Variants in ARL10 observed in about 807,000 individuals in gnomAD.
ARL10 encodes the protein ADP-ribosylation factor-like protein 10.
Under a neutral mutation model 26.1 loss-of-function variants are expected in ARL10, and 23 were observed. That is an observed-to-expected ratio of 0.88 (90% confidence interval 0.63 to 1.25). ARL10 has a LOEUF of 1.25. ARL10 is among the 50% of genes most tolerant of loss of function. ARL10 has a pLI of 0.00. For missense variants in ARL10, 300 were observed against 323.6 expected, an observed-to-expected ratio of 0.93 and a Z score of 0.56; for synonymous variants, 138 against 149.1, an observed-to-expected ratio of 0.93 and a Z score of 0.54.
At chr5:176,403,461 T>C (rs1756940770), downstream of ARL10, among the ~76,000 whole-genome samples, 2 of 151,092 alleles carry the variant, frequency 1.3e-5, no homozygotes, top group Admixed American at 6.6e-5. Flanking sequence ...TGTTTTGTTT[T>C]TTTTCTTTTT....
downstream of ARL10, chr5:176,389,517 A>G (rs1205010928): frequency 6.3e-7 from 1 of 1,598,144 alleles, no homozygotes; most frequent in South Asian, 1.1e-5. Context: ...CTGGCCTTGA[A>G]AGCTCCGCAG....
intron 1 of ARL10, among the ~76,000 whole-genome samples, chr5:176,394,469 C>T (rs951061574): frequency 6.6e-6 from 1 of 151,908 alleles, no homozygotes; most frequent in Non-Finnish European, 1.5e-5. Flanking sequence ...GTCAGGAGTT[C>T]GAGACCTGCC....
chr5:176,389,161 C>T (rs1756151548), downstream of ARL10, among the ~76,000 whole-genome samples: 1 of 152,008 alleles, frequency 6.6e-6, no homozygotes, highest in Non-Finnish European at 1.5e-5. Context: ...GGATTTGGGG[C>T]CTAAGATTGG....
chr5:176,401,754 AACAGCGACAC>A (rs2113649393), exon 2 of ARL10: 1 of 456,264 alleles, frequency 2.2e-6, no homozygotes, highest in East Asian at 6.9e-5. Flanking sequence ...TTAAAATGAA[AACAGCGACAC>A]TGAACAATTT....
chr5:176,366,732 C>T, intron 2 of ARL10, 151 bp downstream of exon 2: 1 of 996,264 alleles, frequency 1.0e-6, no homozygotes, highest in Non-Finnish European at 1.5e-6. Flanking sequence ...AGGATTCAGC[C>T]CACGCTCTGT....
the ARL10 span, chr5:176,410,453 CTT>C: frequency 1.6e-6 from 1 of 621,404 alleles, no homozygotes; most frequent in African/African-American, 1.8e-5. Flanking sequence ...ATATATATAA[CTT>C]AGGCTCAATC....
rs201734394 is a variant in ARL10 at position 176,368,771 on chromosome 5, C to G, written c.386-36C>G. On this transcript the variant is annotated intron_variant, in intron 2 of 3. Coordinates refer to ENST00000310389, the MANE Select transcript of ARL10 (RefSeq NM_173664.6). The surrounding 1 kb of genome is among the most constrained non-coding windows in gnomAD (Gnocchi z 4.1). ...GGGCTGTGGGCAGTGAGCGGGGGCC[C>G]GGGAGGCTCTGAGCTGGCCCCTGGC... The G allele has an allele frequency of 4.8e-5, 76 of 1,570,224 alleles. No homozygotes were observed. The African/African-American group carries it at 9.5e-4, about 20-fold the overall frequency.
At chr5:176,398,029 C>T in intron 1 of ARL10, 1 of 1,613,994 alleles carries the variant, frequency 6.2e-7, no homozygotes, top group Non-Finnish European at 8.5e-7. Context: ...GCGTAGCCAT[C>T]AGCAGGACCG....
intron 2 of ARL10, among the ~76,000 whole-genome samples, chr5:176,367,134 A>T (rs1388489763): frequency 1.3e-5 from 2 of 149,718 alleles, no homozygotes; most frequent in African/African-American, 4.9e-5. Context: ...CAGCCTCCTG[A>T]GCAGCTGGGA....
Position 176,380,108 on chromosome 5 carries a change from T to C in ARL10, c.*8213T>C, listed in dbSNP as rs1755515307. Reference sequence around the variant, plus strand: ...TAAGGCATTTGTCCAACTTCCCCTTTTTCATTAGCCTCAAGGAGAAAAGGT... The same window carrying C: ...TAAGGCATTTGTCCAACTTCCCCTTCTTCATTAGCCTCAAGGAGAAAAGGT... On this transcript the variant is annotated 3_prime_UTR_variant, in exon 4 of 4. Transcript: ENST00000310389. The C allele has an allele frequency of 6.6e-6, 1 of 152,222 alleles. No homozygotes were observed. The highest frequency in any genetic ancestry group is 1.5e-5 in the Non-Finnish European group (1 of 68,050). The allele number at this position is 152,222 out of a possible 1,614,324, so 9.4% of individuals were successfully genotyped here.
chr5:176,388,317 T>G, exon 2 of ARL10: 1 of 1,614,174 alleles, frequency 6.2e-7, no homozygotes. Flanking sequence ...CGATTTAGCG[T>G]GGTCCCAGGC....
At position 176,388,553 on chromosome 5, in the gene ARL10, G is replaced by A. The variant is rs766681494; in HGVS notation, c.*55G>A. 5.0e-6 allele frequency: 8 copies of A among 1,599,334 alleles called. 1 individual carries two copies. The South Asian group carries it at 8.8e-5, about 18-fold the overall frequency. On this transcript the variant is annotated 3_prime_UTR_variant, in exon 2 of 2. Coordinates refer to the ARL10 transcript ENST00000503175. Reference sequence around the variant, plus strand: ...GGCCTTGGGCATCGCGCTGACCACCGCACCAGCAGCTCAAACACGCTGCCT... The same window carrying A: ...GGCCTTGGGCATCGCGCTGACCACCACACCAGCAGCTCAAACACGCTGCCT...
the ARL10 span, among the ~76,000 whole-genome samples, chr5:176,412,514 A>G: frequency 6.6e-6 from 1 of 152,206 alleles, no homozygotes; most frequent in African/African-American, 2.4e-5. Flanking sequence ...AGGCTCTCAG[A>G]AACTGCTGTG....
At chr5:176,412,032 C>T in the ARL10 span, among the ~76,000 whole-genome samples, 896 of 152,072 alleles carry the variant, frequency 5.9e-3, 8 homozygotes, top group African/African-American at 0.021. Context: ...AAAAATTAGC[C>T]AGGCGTGGTG....
Position 176,376,803 on chromosome 5 carries a change from G to T in ARL10, c.*4908G>T, listed in dbSNP as rs908852205. 2 of 152,158 alleles carry T rather than the reference G, an allele frequency of 1.3e-5. No individual in the cohort carries two copies. Among genetic ancestry groups the T allele is most frequent in the African/African-American group, 4.8e-5 (2 of 41,424 alleles). The allele number at this position is 152,158 out of a possible 1,614,324, so 9.4% of individuals were successfully genotyped here. ...TTGAGTTGTGAGATGTGGACCCAAG[G>T]TTCGAAGCCCTGAAGTTTTACCACA... On this transcript the variant is annotated 3_prime_UTR_variant, in exon 4 of 4. Coordinates refer to ENST00000310389, the MANE Select transcript of ARL10 (RefSeq NM_173664.6).
rs1243703652 is a variant in ARL10, at chr5:176,388,089, G to A, written c.37-206G>A. The A allele has an allele frequency of 6.4e-6, 4 of 623,316 alleles. No individual in the cohort carries two copies. In the East Asian group the frequency reaches 8.2e-5, roughly 13 times the overall value. The allele number at this position is 623,316 out of a possible 1,614,324, so 38.6% of individuals were successfully genotyped here. A position where few individuals can be genotyped will look rare whatever the true frequency, so the allele number is the denominator to read the frequency against. ...GGTCGTAAAGAGACCCTTGCTCAAC[G>A]TCAGTTGAGCGTTCTGACTGTGGGG... On this transcript the variant is annotated intron_variant, in intron 1 of 1. Coordinates refer to the ARL10 transcript ENST00000503175.
chr5:176,384,197 C>T (rs371678679), downstream of ARL10: 46 of 1,614,112 alleles, frequency 2.8e-5, 1 homozygote, highest in East Asian at 2.2e-4. Context: ...GTCCGGGGGA[C>T]GCCTCAGCCT....
downstream of ARL10, among the ~76,000 whole-genome samples, chr5:176,390,548 G>A (rs936879223): frequency 2.0e-5 from 3 of 152,158 alleles, no homozygotes; most frequent in African/African-American, 7.2e-5. Flanking sequence ...TCCTGCCTCA[G>A]CCTCCCGAGT....
chr5:176,392,187 C>T (rs1333207013), downstream of ARL10, among the ~76,000 whole-genome samples: 2 of 152,190 alleles, frequency 1.3e-5, no homozygotes, highest in African/African-American at 4.8e-5. This position sits in a 1 kb window ranked among gnomAD's most constrained non-coding sequence, Gnocchi z 5.2. Context: ...CTCGCTTTTC[C>T]CTCCCACTAC....
Sources: gnomAD v4.1 joint callset for allele counts (sites outside exome capture counted in the v4.1 genomes callset) on GRCh38, gnomAD v4.1.1 for gene constraint, Gnocchi (gnomAD v3.1) non-coding constraint, MANE v1.5 for transcripts, NCBI Gene and HGNC (gene_info 2026-07-23, HGNC 2026-07-21) for gene names.